The following SPOCK3 variants were observed in gnomAD, a reference collection of about 807,000 sequenced individuals.
The protein encoded by SPOCK3 is SPARC (osteonectin), cwcv and kazal like domains proteoglycan 3.
A neutral mutation model predicts 56.6 loss-of-function variants in SPOCK3; 30 were observed. That is an observed-to-expected ratio of 0.53 (90% CI 0.40 to 0.72). The LOEUF is 0.72. SPOCK3 is among the 30% of genes least tolerant of loss of function. The pLI is 0.00. For missense variants in SPOCK3, 527 were observed against 530.0 expected, an observed-to-expected ratio of 0.99 and a Z score of 0.06; for synonymous variants, 196 against 183.3, an observed-to-expected ratio of 1.07 and a Z score of -0.56.
chr4:167,189,468 T>A (rs1289538793), intron 2 of SPOCK3, among the ~76,000 whole-genome samples: 7 of 145,332 alleles, frequency 4.8e-5, no homozygotes, highest in Non-Finnish European at 1.0e-4. Context: ...CCAAAAAAAA[T>A]TTATTATTTT....
In SPOCK3 at chr4:166,992,099, T is replaced by C. The variant is rs370358135; in HGVS notation, c.350+8250A>G. On this transcript the variant is annotated intron_variant, in intron 4 of 10. Transcript: ENST00000357545. ...TGCTGAATTGCAAATGTTCAAAACA[T>C]GTTATGTTAAAACAAGGCACAAAAA... Among the ~76,000 whole-genome samples the C allele has an allele frequency of 4.6e-5, 7 of 152,266 alleles. No homozygotes were observed. The East Asian group carries it at 1.4e-3, about 29-fold the overall frequency.
At chr4:166,905,106 T>C (rs1362814030) in intron 5 of SPOCK3, among the ~76,000 whole-genome samples, 1 of 152,030 alleles carries the variant, frequency 6.6e-6, no homozygotes, top group African/African-American at 2.4e-5. Context: ...TTTTTAAAGA[T>C]TAATTTACTA....
At chr4:167,142,452 A>G (rs1407410183) in intron 2 of SPOCK3, among the ~76,000 whole-genome samples, 1 of 152,036 alleles carries the variant, frequency 6.6e-6, no homozygotes, top group Non-Finnish European at 1.5e-5. Flanking sequence ...ACGAGAAAAA[A>G]AAATCCATCA....
chr4:166,893,830 G>A (rs893415408), intron 5 of SPOCK3, among the ~76,000 whole-genome samples: 3 of 152,000 alleles, frequency 2.0e-5, no homozygotes, highest in Admixed American at 6.6e-5. Context: ...CAATATCAAA[G>A]ACATGCTTTG....
At chr4:166,918,069 C>T (rs1208333896) in intron 4 of SPOCK3, among the ~76,000 whole-genome samples, 2 of 152,084 alleles carry the variant, frequency 1.3e-5, no homozygotes, top group Non-Finnish European at 2.9e-5. Context: ...AGGATTATTT[C>T]TTCAGATATG....
chr4:167,004,315 A>G (rs948079105), intron 3 of SPOCK3, among the ~76,000 whole-genome samples: 1 of 152,214 alleles, frequency 6.6e-6, no homozygotes, highest in African/African-American at 2.4e-5. Context: ...AAGCTCCAGT[A>G]TAAGTAGATG....
At chr4:167,081,366 C>A (rs1177619023) in intron 2 of SPOCK3, among the ~76,000 whole-genome samples, 1 of 151,920 alleles carries the variant, frequency 6.6e-6, no homozygotes, top group Non-Finnish European at 1.5e-5. Context: ...GTGTTGATGT[C>A]TTCTTTTTTT....
chr4:166,869,620 G>GTT (rs1447969049), intron 6 of SPOCK3, among the ~76,000 whole-genome samples: 1 of 149,040 alleles, frequency 6.7e-6, no homozygotes, highest in Non-Finnish European at 1.5e-5. Flanking sequence ...GTGTGTGTGT[G>GTT]TGTGTGTGTG....
intron 2 of SPOCK3, among the ~76,000 whole-genome samples, chr4:167,159,429 C>A (rs1168176985): frequency 6.6e-6 from 1 of 151,876 alleles, no homozygotes; most frequent in Non-Finnish European, 1.5e-5. Flanking sequence ...TCCCTATAAC[C>A]GGAGGAAAGG....
intron 2 of SPOCK3, among the ~76,000 whole-genome samples, chr4:167,091,312 T>G (rs1208433890): frequency 6.6e-6 from 1 of 152,200 alleles, no homozygotes; most frequent in Non-Finnish European, 1.5e-5. Context: ...AATAACATGC[T>G]ACATTATTAT....
chr4:167,045,457 C>T (rs1236189852), intron 3 of SPOCK3, among the ~76,000 whole-genome samples: 1 of 151,796 alleles, frequency 6.6e-6, no homozygotes, highest in African/African-American at 2.4e-5. Flanking sequence ...TAGCTTTGTG[C>T]TTTGTTTCTA....
intron 4 of SPOCK3, among the ~76,000 whole-genome samples, chr4:166,976,867 A>G (rs1453430429): frequency 6.6e-6 from 1 of 151,722 alleles, no homozygotes; most frequent in African/African-American, 2.4e-5. Context: ...TAAAAATCTC[A>G]CAGATATTAT....
chr4:166,866,773 C>T (rs1731887575), intron 6 of SPOCK3, among the ~76,000 whole-genome samples: 1 of 151,944 alleles, frequency 6.6e-6, no homozygotes, highest in Non-Finnish European at 1.5e-5. Flanking sequence ...CAGAAATGAG[C>T]TAATGAAATA....
At chr4:166,970,335 ACTTCTTTGGAATT>A (rs1218955429) in intron 4 of SPOCK3, among the ~76,000 whole-genome samples, 3 of 152,302 alleles carry the variant, frequency 2.0e-5, no homozygotes, top group Non-Finnish European at 4.4e-5. Flanking sequence ...GAATGGCTAC[ACTTCTTTGGAATT>A]CTTTGTGACT....
At chr4:166,940,836 T>TAAC (rs1439597478) in intron 4 of SPOCK3, among the ~76,000 whole-genome samples, 1 of 144,444 alleles carries the variant, frequency 6.9e-6, no homozygotes, top group East Asian at 2.3e-4. Context: ...TGCTTACTGG[T>TAAC]AACTCCTCTT....
Position 167,184,962 on chromosome 4 carries a change from T to C in SPOCK3, c.189+49023A>G, listed in dbSNP as rs570381622. Among the ~76,000 whole-genome samples, 22 of 152,306 alleles carry C rather than the reference T, an allele frequency of 1.4e-4. No individual in the cohort carries two copies. In the South Asian group the frequency reaches 4.6e-3, roughly 32 times the overall value. ...TATTCAATTGTAAGTTGTTTGAATA[T>C]GTAATGTAAAACCCCCTGCCCCTCC... is the stretch of plus-strand genomic sequence containing the variant. On this transcript the variant is annotated intron_variant, in intron 2 of 10. Transcript: ENST00000357545.
At chr4:166,791,676 G>C (rs1245197331) in intron 7 of SPOCK3, among the ~76,000 whole-genome samples, 1 of 151,908 alleles carries the variant, frequency 6.6e-6, no homozygotes, top group Non-Finnish European at 1.5e-5. Flanking sequence ...AATTGTAAGA[G>C]GTATATGGCT....
chr4:166,951,894 A>G (rs998325396), intron 4 of SPOCK3, among the ~76,000 whole-genome samples: 1 of 152,230 alleles, frequency 6.6e-6, no homozygotes, highest in East Asian at 1.9e-4. Context: ...ACTTGATGCT[A>G]AAAACTCTCA....
In SPOCK3 at chr4:166,822,698, T is replaced by C. The variant is rs562116157; in HGVS notation, c.590-30409A>G. Among the ~76,000 whole-genome samples, 8 of 152,214 alleles carry C rather than the reference T, an allele frequency of 5.3e-5. 1 individual carries two copies. In the South Asian group the frequency reaches 1.7e-3, roughly 32 times the overall value. ...AACAATTGGTTCCTAAAATCTTTTA[T>C]TCTTGTAATTTATCATCTTTTTTTC... On this transcript the variant is annotated intron_variant, in intron 6 of 10. Coordinates refer to ENST00000357545, the MANE Select transcript of SPOCK3 (RefSeq NM_001040159.2).
Sources: allele counts gnomAD v4.1 joint callset (sites outside exome capture counted in the v4.1 genomes callset), GRCh38; gene constraint gnomAD v4.1.1; transcripts MANE v1.5; gene names NCBI Gene and HGNC (gene_info 2026-07-23, HGNC 2026-07-21).